The following ADCY2 variants were observed in gnomAD, a reference collection of about 807,000 sequenced individuals.
ADCY2 encodes adenylate cyclase 2.
Under a neutral mutation model 125.2 loss-of-function variants are expected in ADCY2, and 31 were observed. That is an observed-to-expected ratio of 0.25 (90% CI 0.19 to 0.33). ADCY2 has a LOEUF of 0.33. ADCY2 is among the 10% of genes least tolerant of loss of function. The pLI, the probability that ADCY2 is intolerant of heterozygous loss-of-function variation, is 1.00. For missense variants in ADCY2, 904 were observed against 1,418.2 expected (o/e 0.64, Z 5.82); for synonymous variants, 512 against 548.4 (o/e 0.93, Z 0.93).
chr5:7,701,078 C>G (rs1335989326), intron 7 of ADCY2, among the ~76,000 whole-genome samples: 2 of 151,540 alleles, frequency 1.3e-5, no homozygotes, highest in Admixed American at 6.6e-5. Flanking sequence ...ATCAGTGGAA[C>G]TATTGGATTG....
intron 2 of ADCY2, among the ~76,000 whole-genome samples, chr5:7,486,379 C>G (rs1287079752): frequency 6.6e-6 from 1 of 152,158 alleles, no homozygotes; most frequent in African/African-American, 2.4e-5. Flanking sequence ...CTGGCACATC[C>G]CTGATACTTG....
chr5:7,621,950 G>A (rs1737967922), intron 3 of ADCY2, among the ~76,000 whole-genome samples: 1 of 152,130 alleles, frequency 6.6e-6, no homozygotes, highest in Admixed American at 6.5e-5. Context: ...AATCTTCAGG[G>A]TAAACCTTGA....
At chr5:7,789,512 G>A in intron 19 of ADCY2, 130 bp from the exon 20 acceptor site, 1 of 827,060 alleles carries the variant, frequency 1.2e-6, no homozygotes, top group Non-Finnish European at 1.9e-6. Flanking sequence ...TTTATGGGGA[G>A]GGTGGAAGTT....
intron 2 of ADCY2, among the ~76,000 whole-genome samples, chr5:7,498,634 C>A (rs1466727122): frequency 6.6e-6 from 1 of 152,180 alleles, no homozygotes; most frequent in East Asian, 1.9e-4. Flanking sequence ...TATAGTTCAA[C>A]ATGTGCACAG....
chr5:7,826,560 T>C lies in ADCY2; in HGVS notation c.3124-159T>C, dbSNP rs1277142517. The C allele has an allele frequency of 1.3e-5, 12 of 943,700 alleles. No individual in the cohort carries two copies. The African/African-American group carries it at 2.0e-4, about 15-fold the overall frequency. 58.5% of individuals were successfully genotyped at this position (943,700 alleles called of 1,614,324 possible). On this transcript the variant is annotated intron_variant, in intron 24 of 24. Transcript: ENST00000338316. The stretch of plus-strand genomic sequence containing the variant: ...AAACAACATTGTCCTTTACAACCTT[T>C]TTTTCTTGTGGATTACTCTCACTTT...
At chr5:7,531,277 G>A (rs1400111709) in intron 3 of ADCY2, among the ~76,000 whole-genome samples, 1 of 152,112 alleles carries the variant, frequency 6.6e-6, no homozygotes, top group Non-Finnish European at 1.5e-5. Context: ...GACCTGGAGG[G>A]CCGCCGTTTT....
At chr5:7,664,410 T>A (rs1271675324) in intron 4 of ADCY2, among the ~76,000 whole-genome samples, 1 of 152,134 alleles carries the variant, frequency 6.6e-6, no homozygotes, top group Middle Eastern at 3.2e-3. Flanking sequence ...GACTTTCCCT[T>A]CAGGAATGGA....
chr5:7,697,680 T>G (rs574585519), intron 6 of ADCY2, among the ~76,000 whole-genome samples: 20 of 152,326 alleles, frequency 1.3e-4, no homozygotes, highest in Admixed American at 1.3e-3. Context: ...TTAAAACAGT[T>G]GAGCCTAAGA....
chr5:7,641,110 C>T (rs570310336), intron 4 of ADCY2, among the ~76,000 whole-genome samples: 1 of 152,334 alleles, frequency 6.6e-6, no homozygotes, highest in African/African-American at 2.4e-5. Context: ...AGACCCAGTT[C>T]TGATGCTCTG....
At chr5:7,663,508 C>G (rs191335362) in intron 4 of ADCY2, among the ~76,000 whole-genome samples, 2 of 152,374 alleles carry the variant, frequency 1.3e-5, no homozygotes, top group East Asian at 3.9e-4. Flanking sequence ...CTGAGAAACT[C>G]TGAAGACATT....
chr5:7,751,725 T>C (rs1234843687), intron 15 of ADCY2, among the ~76,000 whole-genome samples: 2 of 152,162 alleles, frequency 1.3e-5, no homozygotes, highest in African/African-American at 2.4e-5. Context: ...AGAGTCTTAG[T>C]TGCAGCTGTC....
intron 17 of ADCY2, among the ~76,000 whole-genome samples, chr5:7,772,180 A>G (rs1157639663): frequency 1.3e-5 from 2 of 152,212 alleles, no homozygotes; most frequent in South Asian, 2.1e-4. Context: ...TGAGCTAATG[A>G]GTTAGTGAAG....
intron 4 of ADCY2, among the ~76,000 whole-genome samples, chr5:7,638,237 G>A (rs1044333634): frequency 1.3e-5 from 2 of 152,152 alleles, no homozygotes; most frequent in African/African-American, 4.8e-5. Context: ...CTCCTCGTGA[G>A]GCAGATTCTC....
chr5:7,598,525 G>A (rs934775326), intron 3 of ADCY2, among the ~76,000 whole-genome samples: 1 of 152,148 alleles, frequency 6.6e-6, no homozygotes, highest in East Asian at 1.9e-4. Context: ...TCTGTGGGGG[G>A]TTCTGGAATT....
chr5:7,447,385 A>T (rs1171876830), intron 2 of ADCY2, among the ~76,000 whole-genome samples: 1 of 152,180 alleles, frequency 6.6e-6, no homozygotes, highest in African/African-American at 2.4e-5. Flanking sequence ...AGTGGGCATC[A>T]TCCTGGCAGT....
chr5:7,740,420 T>C (rs1331488035), intron 14 of ADCY2, among the ~76,000 whole-genome samples: 2 of 152,022 alleles, frequency 1.3e-5, no homozygotes, highest in African/African-American at 4.8e-5. Flanking sequence ...ATTCTAACAT[T>C]GACAGATCAA....
chr5:7,822,523 G>A (rs1745333350), intron 24 of ADCY2, among the ~76,000 whole-genome samples: 2 of 152,170 alleles, frequency 1.3e-5, no homozygotes, highest in Non-Finnish European at 1.5e-5. Context: ...AAGGTTTTAT[G>A]GTCCTTCCTT....
At chr5:7,589,222 G>A (rs1373451288) in intron 3 of ADCY2, among the ~76,000 whole-genome samples, 3 of 151,940 alleles carry the variant, frequency 2.0e-5, no homozygotes, top group African/African-American at 7.3e-5. Context: ...GTTTGCTACT[G>A]TCTGATTTTT....
intron 4 of ADCY2, among the ~76,000 whole-genome samples, chr5:7,660,181 A>G (rs1289740579): frequency 6.7e-6 from 1 of 150,020 alleles, no homozygotes; most frequent in Non-Finnish European, 1.5e-5. Flanking sequence ...TCCAGAACTC[A>G]AAATAAAAGT....
Sources: allele counts gnomAD v4.1 joint callset (sites outside exome capture counted in the v4.1 genomes callset), GRCh38; gene constraint gnomAD v4.1.1; transcripts MANE v1.5; gene names NCBI Gene and HGNC (gene_info 2026-07-23, HGNC 2026-07-21).